Variants in ANKRD33B observed in about 807,000 individuals in gnomAD.
ANKRD33B encodes the protein ankyrin repeat domain-containing protein 33B.
Under a neutral mutation model 21.5 loss-of-function variants are expected in ANKRD33B, and 6 were observed. That is an observed-to-expected ratio of 0.28 (90% CI 0.15 to 0.55). ANKRD33B has a LOEUF of 0.55. ANKRD33B is among the 20% of genes least tolerant of loss of function. The probability of loss-of-function intolerance (pLI) is 0.94; values close to 1 mark genes in which losing one functional copy is unlikely to be tolerated. For missense variants in ANKRD33B, 698 were observed against 747.2 expected, an observed-to-expected ratio of 0.93 and a Z score of 0.77; for synonymous variants, 347 against 342.4, an observed-to-expected ratio of 1.01 and a Z score of -0.15.
chr5:10,634,465 CT>C (rs1162256286), intron 2 of ANKRD33B, among the ~76,000 whole-genome samples: 99 of 143,054 alleles, frequency 6.9e-4, no homozygotes, highest in Admixed American at 9.4e-4. Context: ...AGATTTTTTT[CT>C]TTTTTTTTTT....
At chr5:10,583,319 T>C (rs533622896) in intron 1 of ANKRD33B, among the ~76,000 whole-genome samples, 11 of 152,324 alleles carry the variant, frequency 7.2e-5, no homozygotes, top group Middle Eastern at 3.4e-3. Flanking sequence ...TTTTTGAACA[T>C]GATTCAAGTA....
chr5:10,606,118 T>A (rs1736040510), intron 1 of ANKRD33B, among the ~76,000 whole-genome samples: 1 of 152,198 alleles, frequency 6.6e-6, no homozygotes, highest in African/African-American at 2.4e-5. Flanking sequence ...GGTATATACA[T>A]GAAGTTGGCA....
intron 1 of ANKRD33B, among the ~76,000 whole-genome samples, chr5:10,616,083 G>A (rs1736277142): frequency 6.6e-6 from 1 of 152,190 alleles, no homozygotes; most frequent in Non-Finnish European, 1.5e-5. Flanking sequence ...CTTTACCATA[G>A]TCAACAGTTA....
chr5:10,640,605 A>T (rs1737026489), intron 3 of ANKRD33B, among the ~76,000 whole-genome samples: 1 of 152,248 alleles, frequency 6.6e-6, no homozygotes, highest in Non-Finnish European at 1.5e-5. Flanking sequence ...ATCTCAGTGA[A>T]TGTGCGATGC....
intron 1 of ANKRD33B, among the ~76,000 whole-genome samples, chr5:10,602,098 C>G (rs1260707149): frequency 1.4e-5 from 2 of 143,884 alleles, no homozygotes; most frequent in African/African-American, 4.9e-5. Flanking sequence ...TAAAAATGAA[C>G]AAGAACACAA....
intron 1 of ANKRD33B, among the ~76,000 whole-genome samples, chr5:10,594,770 G>A (rs144641759): frequency 8.7e-4 from 133 of 152,328 alleles, no homozygotes; most frequent in African/African-American, 3.1e-3. Context: ...AGCTGCCTGC[G>A]ATGTGGGTGG....
Position 10,650,204 on chromosome 5 carries a change from C to G in ANKRD33B, c.*91C>G. The G allele has an allele frequency of 7.6e-7, 1 of 1,318,478 alleles. No individual in the cohort carries two copies. The highest frequency in any genetic ancestry group is 9.9e-7 in the Non-Finnish European group (1 of 1,014,972). 81.7% of individuals were successfully genotyped at this position (1,318,478 alleles called of 1,614,324 possible). Reference sequence around the variant, plus strand: ...AGAAGGAGGCGGCCCCGTTGCGCATCGCACCACTTCCGCTCCATGGACCAC... The same window carrying G: ...AGAAGGAGGCGGCCCCGTTGCGCATGGCACCACTTCCGCTCCATGGACCAC... On this transcript the variant is annotated 3_prime_UTR_variant, in exon 4 of 4. Coordinates refer to ENST00000296657, the MANE Select transcript of ANKRD33B (RefSeq NM_001164440.2).
chr5:10,646,921 G>A (rs544067183), intron 3 of ANKRD33B, among the ~76,000 whole-genome samples: 7 of 152,326 alleles, frequency 4.6e-5, no homozygotes, highest in African/African-American at 1.2e-4. Context: ...CTGGGGACCC[G>A]ACCTTCCTCA....
At chr5:10,589,870 T>C (rs1208446212) in intron 1 of ANKRD33B, among the ~76,000 whole-genome samples, 1 of 152,180 alleles carries the variant, frequency 6.6e-6, no homozygotes, top group Non-Finnish European at 1.5e-5. Context: ...CTTCCTATCC[T>C]GTGACACCAA....
intron 2 of ANKRD33B, among the ~76,000 whole-genome samples, chr5:10,624,491 CTG>C (rs768167389): frequency 1.1e-4 from 16 of 152,084 alleles, no homozygotes; most frequent in Non-Finnish European, 1.9e-4. Flanking sequence ...CTTGAGCTCT[CTG>C]TGGCCGCCAC....
chr5:10,577,464 T>C (rs1194982222), intron 1 of ANKRD33B, among the ~76,000 whole-genome samples: 2 of 152,228 alleles, frequency 1.3e-5, no homozygotes, highest in Non-Finnish European at 2.9e-5. Context: ...CAAAGACCCC[T>C]GGAGTCGGGG....
rs150777203 is a variant in ANKRD33B at position 10,587,747 on chromosome 5, G to T, written c.366+22914G>T. On this transcript the variant is annotated intron_variant, in intron 1 of 3. Transcript: ENST00000296657. ...GTTATCTATCTATAAATAAAGTTTT[G>T]AGTCCTGGTTTATTCACTTGTAGGG... is the stretch of plus-strand genomic sequence containing the variant. Among the ~76,000 whole-genome samples the T allele has an allele frequency of 3.3e-3, 496 of 152,188 alleles. 4 individuals are homozygous for T. The highest frequency in any genetic ancestry group is 0.011 in the African/African-American group (469 of 41,520).
At chr5:10,636,443 C>T (rs1736867851) in intron 2 of ANKRD33B, among the ~76,000 whole-genome samples, 1 of 138,422 alleles carries the variant, frequency 7.2e-6, no homozygotes, top group Non-Finnish European at 1.6e-5. Flanking sequence ...GAGATCCCAT[C>T]TCTACAAAAA....
Position 10,649,531 on chromosome 5 carries a change from C to A in ANKRD33B, c.903C>A (p.Asp301Glu), listed in dbSNP as rs978266842. 1 of 1,532,130 alleles carries A rather than the reference C, an allele frequency of 6.5e-7. No individual in the cohort carries two copies. Among genetic ancestry groups the A allele is most frequent in the East Asian group, 2.5e-5 (1 of 40,804 alleles). The allele number at this position is 1,532,130 out of a possible 1,614,324, so 94.9% of individuals were successfully genotyped here. A position where few individuals can be genotyped will look rare whatever the true frequency, so the allele number is the denominator to read the frequency against. ...CGCGCTCCGTGCGGGGCCCGGAGGA[C>A]GGGGGCGTCCTGGACCACATGGTCC... ...LTPRSVRGPE[D>E]GGVLDHMVRM... The change falls in exon 4 of 4, where the codon GAC (aspartate) becomes GAA (glutamate). Residue 301 changes from aspartate to glutamate, a missense_variant. Transcript: ENST00000296657.
Position 10,586,689 on chromosome 5 carries a change from A to T in ANKRD33B, c.366+21856A>T, listed in dbSNP as rs138313646. ...AAATTGCTCTTGGTATCTTGCAGTC[A>T]CAGCCAGATTCAATTGGTGAGGGAT... On this transcript the variant is annotated intron_variant, in intron 1 of 3. Transcript: ENST00000296657. 1.1e-4 allele frequency among the ~76,000 whole-genome samples: 16 copies of T among 152,348 alleles called. 1 individual carries two copies. In the East Asian group the frequency reaches 2.9e-3, roughly 28 times the overall value.
chr5:10,653,540 C>G lies in ANKRD33B; in HGVS notation c.*3427C>G, dbSNP rs1032639168. ...CATACTTAAGCAACATTATTCTGTT[C>G]GTTTCTTTTGGGTAAGGAATTCCTC... On this transcript the variant is annotated 3_prime_UTR_variant, in exon 4 of 4. Coordinates refer to ENST00000296657, the MANE Select transcript of ANKRD33B (RefSeq NM_001164440.2). The G allele has an allele frequency of 6.6e-6, 1 of 152,308 alleles. No individual in the cohort carries two copies. The highest frequency in any genetic ancestry group is 1.5e-5 in the Non-Finnish European group (1 of 68,078). The allele number at this position is 152,308 out of a possible 1,614,324, so 9.4% of individuals were successfully genotyped here.
At position 10,657,428 on chromosome 5, in the gene ANKRD33B, C is replaced by A. The variant is rs1375418268; in HGVS notation, c.*7315C>A. The A allele has an allele frequency of 3.3e-5, 5 of 152,284 alleles. No homozygotes were observed. Among genetic ancestry groups the A allele is most frequent in the Non-Finnish European group, 7.4e-5 (5 of 68,026 alleles). 9.4% of individuals were successfully genotyped at this position (152,284 alleles called of 1,614,324 possible). On this transcript the variant is annotated 3_prime_UTR_variant, in exon 4 of 4. Transcript: ENST00000296657. The stretch of plus-strand genomic sequence containing the variant: ...AGCTCTCTTTTTTTCTGAATGTAAA[C>A]CTATTTGCATTGTCATTTCTAATAA...
chr5:10,637,425 G>GAGAC (rs1275126479), intron 2 of ANKRD33B, among the ~76,000 whole-genome samples: 29 of 100,392 alleles, frequency 2.9e-4, no homozygotes, highest in African/African-American at 1.2e-3. Context: ...TAGGTAGTTA[G>GAGAC]ACACACACAC....
chr5:10,632,086 C>A (rs763090964), intron 2 of ANKRD33B, among the ~76,000 whole-genome samples: 1 of 151,944 alleles, frequency 6.6e-6, no homozygotes, highest in East Asian at 1.9e-4. Context: ...ACTCAGTTTT[C>A]AAGGGTTCTC....
Sources: gnomAD v4.1 joint callset for allele counts (sites outside exome capture counted in the v4.1 genomes callset) on GRCh38, gnomAD v4.1.1 for gene constraint, MANE v1.5 for transcripts, NCBI Gene and HGNC (gene_info 2026-07-23, HGNC 2026-07-21) for gene names.